EPHX2: variants seen among roughly 807,000 people sequenced by gnomAD.
EPHX2 encodes the protein epoxide hydrolase 2, also known as bifunctional epoxide hydrolase 2.
EPHX2 carries 74 observed loss-of-function variants against 78.7 expected under a neutral mutation model. That is an observed-to-expected ratio of 0.94 (90% confidence interval 0.78 to 1.14). The LOEUF (loss-of-function observed/expected upper bound fraction) is 1.14, where lower values mean the gene tolerates loss of function less well. Ranked by LOEUF, EPHX2 falls within the 50% of genes most tolerant of loss-of-function variation. The probability of loss-of-function intolerance (pLI) is 0.00; values close to 1 mark genes in which losing one functional copy is unlikely to be tolerated. For synonymous variants in EPHX2, 251 were observed against 255.2 expected, an observed-to-expected ratio of 0.98 and a Z score of 0.16; for missense variants, 715 against 702.5, an observed-to-expected ratio of 1.02 and a Z score of -0.20.
chr8:27,533,737 A>T (rs564644405), intron 12 of EPHX2, among the ~76,000 whole-genome samples: 3 of 151,946 alleles, frequency 2.0e-5, no homozygotes, highest in Non-Finnish European at 4.4e-5. Context: ...ACAGGCATGC[A>T]CCACCATGCC....
At chr8:27,511,802 G>A (rs1242789783) in intron 5 of EPHX2, 34 bp from the exon 6 acceptor site, 1 of 1,607,660 alleles carries the variant, frequency 6.2e-7, no homozygotes, top group Non-Finnish European at 8.5e-7. Flanking sequence ...GGAGGCTGCT[G>A]CTGTCTCTCT....
At chr8:27,521,399 C>T (rs1418360180) in intron 10 of EPHX2, among the ~76,000 whole-genome samples, 2 of 152,174 alleles carry the variant, frequency 1.3e-5, no homozygotes, top group Non-Finnish European at 2.9e-5. Flanking sequence ...GGTATAACAG[C>T]GTCCCCTTCC....
rs1391168811 is a variant in EPHX2, at chr8:27,515,814, G to A, written c.831+1G>A. ...GAGTTGGTATTCTTGGAGGTACCAG[G>A]TGAGAAAGCTGGGGAAGATGCAGCC... is the stretch of plus-strand genomic sequence containing the variant. On this transcript the variant is annotated splice_donor_variant, in intron 7 of 18. Coordinates refer to ENST00000521400, the MANE Select transcript of EPHX2 (RefSeq NM_001979.6). LOFTEE classifies it high-confidence loss of function. 5.6e-6 allele frequency: 9 copies of A among 1,613,528 alleles called. No homozygotes were observed. Among genetic ancestry groups the A allele is most frequent in the East Asian group, 2.2e-5 (1 of 44,882 alleles).
At chr8:27,525,127 T>C (rs1814796562) in intron 11 of EPHX2, among the ~76,000 whole-genome samples, 1 of 146,542 alleles carries the variant, frequency 6.8e-6, no homozygotes, top group African/African-American at 2.6e-5. Flanking sequence ...CGCGCGCACC[T>C]ATGTGTCTAA....
intron 12 of EPHX2, among the ~76,000 whole-genome samples, chr8:27,532,006 G>A (rs73227348): frequency 0.078 from 11,917 of 152,172 alleles, 569 homozygotes; most frequent in Middle Eastern, 0.17. Flanking sequence ...CTGCATTTCT[G>A]GGGGCTCCTC....
chr8:27,538,817 A>G (rs1815295842), intron 14 of EPHX2, 125 bp downstream of exon 14: 2 of 1,106,446 alleles, frequency 1.8e-6, no homozygotes, highest in African/African-American at 1.5e-5. Flanking sequence ...TTGCCCAACC[A>G]GGGTCCCCTC....
At chr8:27,548,053 TGCTCCCGGGAGGAG>T (rs1380746070), downstream of EPHX2, among the ~76,000 whole-genome samples, 27 of 152,342 alleles carry the variant, frequency 1.8e-4, no homozygotes, top group African/African-American at 6.3e-4. Flanking sequence ...TGGGTTGTGC[TGCTCCCGGGAGGAG>T]GCTGAGATCA....
At chr8:27,528,349 T>A (rs80188988) in intron 12 of EPHX2, among the ~76,000 whole-genome samples, 5,913 of 152,184 alleles carry the variant, frequency 0.039, 362 homozygotes, top group African/African-American at 0.13. Flanking sequence ...GTAACCAGGT[T>A]GGGCTGCATC....
chr8:27,533,290 G>A (rs935116330), intron 12 of EPHX2, among the ~76,000 whole-genome samples: 2 of 152,212 alleles, frequency 1.3e-5, no homozygotes, highest in Non-Finnish European at 2.9e-5. Flanking sequence ...GTAACTGTCA[G>A]TACTTGGGCT....
downstream of EPHX2, among the ~76,000 whole-genome samples, chr8:27,546,489 G>A (rs759061917): frequency 2.6e-5 from 4 of 152,184 alleles, no homozygotes; most frequent in Non-Finnish European, 5.9e-5. Context: ...CTAATTTAAA[G>A]GCAATCATGA....
chr8:27,496,185 A>G (rs1037592614), intron 1 of EPHX2, among the ~76,000 whole-genome samples: 13 of 152,232 alleles, frequency 8.5e-5, no homozygotes, highest in Admixed American at 4.6e-4. Context: ...CCTTCAGTTT[A>G]GATGCCATGT....
chr8:27,541,726 G>A (rs1012887699), intron 16 of EPHX2, among the ~76,000 whole-genome samples, 184 bp downstream of exon 16: 31 of 152,116 alleles, frequency 2.0e-4, no homozygotes, highest in African/African-American at 6.8e-4. Context: ...CTTTCTTGCT[G>A]GTGCTTCTCT....
chr8:27,540,511 C>G (rs771125369), intron 14 of EPHX2, 43 bp from the exon 15 acceptor site: 10 of 1,587,140 alleles, frequency 6.3e-6, no homozygotes, highest in Middle Eastern at 3.5e-4. Context: ...ATGCAGACAC[C>G]TGGCCCGGGG....
At chr8:27,532,954 A>G (rs1051542967) in intron 12 of EPHX2, among the ~76,000 whole-genome samples, 2 of 152,068 alleles carry the variant, frequency 1.3e-5, no homozygotes, top group African/African-American at 4.8e-5. Flanking sequence ...CTCTACAAAA[A>G]TGTTTTAAAA....
rs1563342928 is a variant in EPHX2, at chr8:27,505,079, G to T, written c.470G>T (p.Gly157Val). 5 of 1,614,096 alleles carry T rather than the reference G, an allele frequency of 3.1e-6. No individual in the cohort carries two copies. In the South Asian group the frequency reaches 5.5e-5, roughly 18 times the overall value. ...TTCCTGATAGAGTCGTGTCAGGTGG[G>T]AATGGTCAAACCTGAACCTCAGATC... Reference protein sequence around the residue: ...FDFLIESCQVGMVKPEPQIYK... With the variant: ...FDFLIESCQVVMVKPEPQIYK... The change falls in exon 4 of 19, where the codon GGA becomes GTA. Residue 157 changes from glycine (G) to valine (V), a missense_variant. Gly to Val is a moderately radical substitution (Grantham distance 109). Coordinates refer to ENST00000521400, the MANE Select transcript of EPHX2 (RefSeq NM_001979.6).
chr8:27,516,399 G>A lies in EPHX2; in HGVS notation c.910+1G>A. On this transcript the variant is annotated splice_donor_variant, in intron 8 of 18. Coordinates refer to ENST00000521400, the MANE Select transcript of EPHX2 (RefSeq NM_001979.6). LOFTEE classifies it high-confidence loss of function. ...TATGGAGAGTCATCTGCTCCTCCCG[G>A]TGGGTGTGCTGTCTTGCAGCTGTCT... is the stretch of plus-strand genomic sequence containing the variant. 1.9e-6 allele frequency: 3 copies of A among 1,613,892 alleles called. No homozygotes were observed. Among genetic ancestry groups the A allele is most frequent in the South Asian group, 1.1e-5 (1 of 91,074 alleles).
chr8:27,520,722 T>C (rs72475867), intron 9 of EPHX2, among the ~76,000 whole-genome samples, 161 bp from the exon 10 acceptor site: 9 of 152,182 alleles, frequency 5.9e-5, no homozygotes, highest in African/African-American at 2.2e-4. Flanking sequence ...ACCTTAATCA[T>C]CTCCTTAAAG....
At chr8:27,519,653 G>A (rs1162797582) in intron 9 of EPHX2, among the ~76,000 whole-genome samples, 2 of 152,194 alleles carry the variant, frequency 1.3e-5, no homozygotes, top group Non-Finnish European at 2.9e-5. Flanking sequence ...AACGATGGAC[G>A]GCTGCACTGC....
downstream of EPHX2, among the ~76,000 whole-genome samples, chr8:27,548,512 G>T (rs947116203): frequency 6.6e-6 from 1 of 152,228 alleles, no homozygotes; most frequent in African/African-American, 2.4e-5. Flanking sequence ...AGGGCCCTGA[G>T]ATCGGGGGCT....
Sources: allele counts gnomAD v4.1 joint callset (sites outside exome capture counted in the v4.1 genomes callset), GRCh38; gene constraint gnomAD v4.1.1; transcripts MANE v1.5; gene names NCBI Gene and HGNC (gene_info 2026-07-23, HGNC 2026-07-21).